COG4: variants seen among roughly 807,000 people sequenced by gnomAD.
COG4 encodes the protein component of oligomeric golgi complex 4.
COG4 carries 65 observed loss-of-function variants against 95.1 expected under a neutral mutation model. The ratio of observed to expected loss-of-function variants is 0.68; its 90% CI spans 0.56 to 0.84. The LOEUF (loss-of-function observed/expected upper bound fraction) is 0.84, where lower values mean the gene tolerates loss of function less well. COG4 is among the 40% of genes least tolerant of loss of function. The probability of loss-of-function intolerance (pLI) is 0.00; values close to 1 mark genes in which losing one functional copy is unlikely to be tolerated. For synonymous variants in COG4, 421 were observed against 374.8 expected, an observed-to-expected ratio of 1.12 and a Z score of -1.42; for missense variants, 1,045 against 989.1, an observed-to-expected ratio of 1.06 and a Z score of -0.76.
chr16:70,513,878 A>G (rs1400998380), intron 4 of COG4, among the ~76,000 whole-genome samples: 1 of 152,198 alleles, frequency 6.6e-6, no homozygotes, highest in Non-Finnish European at 1.5e-5. Flanking sequence ...CTGCCCCAGG[A>G]TGGTACAGGA....
rs1413534835 is a variant in COG4, at chr16:70,482,030, A to AG, written c.2004+61dup. 6 of 1,443,154 alleles carry AG rather than the reference A, an allele frequency of 4.2e-6. No individual in the cohort carries two copies. In the Admixed American group the frequency reaches 1.0e-4, roughly 24 times the overall value. 89.4% of individuals were successfully genotyped at this position (1,443,154 alleles called of 1,614,324 possible). On this transcript the variant is annotated intron_variant, in intron 16 of 18. Transcript: ENST00000323786. ...CAGAAGGAATGTGATGAGACCCTGC[A>AG]GGCTGCTGGTTTGGGCTGACGTGGG...
In COG4 at chr16:70,483,998, C is replaced by G. The variant is rs183113283; in HGVS notation, c.1711-29G>C. The G allele has an allele frequency of 4.9e-5, 74 of 1,521,664 alleles. No individual in the cohort carries two copies. The African/African-American group carries it at 8.9e-4, about 18-fold the overall frequency. The allele number at this position is 1,521,664 out of a possible 1,614,324, so 94.3% of individuals were successfully genotyped here. On this transcript the variant is annotated intron_variant, in intron 13 of 18. Transcript: ENST00000323786. ...GGGGAGAACACTGCTGTAAGACCAC[C>G]GAGCACGCGTGGGCCATGGGAGTGT...
At chr16:70,521,084 T>C (rs1299829270) in intron 1 of COG4, among the ~76,000 whole-genome samples, 1 of 152,162 alleles carries the variant, frequency 6.6e-6, no homozygotes, top group African/African-American at 2.4e-5. Context: ...GAGGTCTCAC[T>C]ATATTGCCCA....
At chr16:70,512,164 AC>A in intron 5 of COG4, 74 bp downstream of exon 5, 1 of 1,362,460 alleles carries the variant, frequency 7.3e-7, no homozygotes, top group Non-Finnish European at 1.0e-6. Context: ...ATCCACAGAA[AC>A]TGGATCCATC....
intron 12 of COG4, among the ~76,000 whole-genome samples, chr16:70,491,808 G>C (rs909763746): frequency 7.4e-5 from 3 of 40,674 alleles, no homozygotes; most frequent in Non-Finnish European, 1.6e-4. Flanking sequence ...TCGGTGACAA[G>C]AACAAAACTA....
chr16:70,500,912 C>T, intron 9 of COG4, 46 bp downstream of exon 9: 2 of 1,610,912 alleles, frequency 1.2e-6, no homozygotes, highest in Non-Finnish European at 1.7e-6. Flanking sequence ...AGAAACACTG[C>T]CAATTATACC....
intron 3 of COG4, among the ~76,000 whole-genome samples, chr16:70,516,358 G>A (rs779514389): frequency 4.6e-5 from 7 of 151,424 alleles, no homozygotes; most frequent in Admixed American, 6.6e-5. Context: ...GTGCAGAGGC[G>A]CCATCTCGGC....
Position 70,497,230 on chromosome 16 carries a change from G to A in COG4, c.1472C>T (p.Ser491Phe). 1.2e-6 allele frequency: 2 copies of A among 1,614,152 alleles called. No homozygotes were observed. The highest frequency in any genetic ancestry group is 8.5e-7 in the Non-Finnish European group (1 of 1,180,010). The change falls in exon 11 of 19, where the codon TCT (serine) becomes TTT (phenylalanine). Residue 491 changes from serine to phenylalanine, a missense_variant. Coordinates refer to ENST00000323786, the MANE Select transcript of COG4 (RefSeq NM_015386.3). Reference sequence around the variant, plus strand: ...AGGGAGTCAACTGTACCTGAAGTCAGACTCCAGCTCTGTGGTGGCGAGGTT... The same window carrying A: ...AGGGAGTCAACTGTACCTGAAGTCAAACTCCAGCTCTGTGGTGGCGAGGTT... ...MINLATTELE[S>F]DFRDVLCNKL...
intron 8 of COG4, among the ~76,000 whole-genome samples, chr16:70,507,103 C>A (rs184166183): frequency 6.6e-6 from 1 of 151,080 alleles, no homozygotes; most frequent in Non-Finnish European, 1.5e-5. Flanking sequence ...ATGTGTACAC[C>A]AGCTACTGAT....
In COG4 at chr16:70,497,945, C is replaced by T. The variant is rs1423664789; in HGVS notation, c.1306G>A (p.Val436Ile). Residue 436 changes from valine (V) to isoleucine (I), a missense_variant, in exon 10 of 19, where the codon GTC becomes ATC. Physicochemically the swap from Val to Ile is conservative, Grantham distance 29 (BLOSUM62 3). Transcript: ENST00000323786. ...TMEEYFMRET[V>I]NKAVALDTYE... ...TGCGTCCTATGTCCTACCTTATTGA[C>T]AGTCTCCCTCATGAAGTACTCCTCC... 4.4e-6 allele frequency: 7 copies of T among 1,576,440 alleles called. No individual in the cohort carries two copies. The highest frequency in any genetic ancestry group is 6.1e-6 in the Non-Finnish European group (7 of 1,145,750).
rs2049384430 is a variant in COG4, at chr16:70,498,446, A to G, written c.1196-391T>C. Among the ~76,000 whole-genome samples the G allele has an allele frequency of 2.0e-5, 3 of 151,934 alleles. No homozygotes were observed. The East Asian group carries it at 5.8e-4, about 29-fold the overall frequency. ...CAGGTTCAAACAATTCTCCTGCCTC[A>G]GCCTCCCGAGTAGCTGGGATTACAG... On this transcript the variant is annotated intron_variant, in intron 9 of 18. Transcript: ENST00000323786.
chr16:70,483,241 G>T (rs974652812), intron 14 of COG4, among the ~76,000 whole-genome samples: 1 of 16,928 alleles, frequency 5.9e-5, no homozygotes, highest in South Asian at 3.6e-3. Flanking sequence ...TCTCCCCACC[G>T]CATCCCCTTC....
intron 1 of COG4, 197 bp downstream of exon 1, chr16:70,523,176 G>C (rs985749093): frequency 3.2e-6 from 2 of 628,894 alleles, no homozygotes. Context: ...AGGTATCAGG[G>C]AAGACAAGCT....
Position 70,480,714 on chromosome 16 carries a change from GA to G in COG4, c.*295del. The G allele has an allele frequency of 2.2e-6, 1 of 456,826 alleles. No homozygotes were observed. The highest frequency in any genetic ancestry group is 4.0e-6 in the Non-Finnish European group (1 of 247,998). The allele number at this position is 456,826 out of a possible 1,614,324, so 28.3% of individuals were successfully genotyped here. On this transcript the variant is annotated 3_prime_UTR_variant, in exon 19 of 19. Transcript: ENST00000323786. ...TTTGCTGTAGTGTTTGAGGGCAAGA[GA>G]CTGACCATCCATGCAGAAAGCTGGC...
At chr16:70,481,571 GGCCC>G in intron 17 of COG4, 84 bp from the exon 18 acceptor site, 15 of 1,585,598 alleles carry the variant, frequency 9.5e-6, no homozygotes, top group Non-Finnish European at 1.3e-5. Flanking sequence ...TGGGTGGCAA[GGCCC>G]GCCAGGCCTC....
At chr16:70,504,747 T>C (rs1040250088) in intron 8 of COG4, among the ~76,000 whole-genome samples, 1 of 151,480 alleles carries the variant, frequency 6.6e-6, no homozygotes, top group Non-Finnish European at 1.5e-5. Context: ...CCATCTCTAC[T>C]AAAAATACAA....
intron 1 of COG4, among the ~76,000 whole-genome samples, chr16:70,522,183 G>A (rs201201983): frequency 6.6e-6 from 1 of 151,854 alleles, no homozygotes; most frequent in East Asian, 1.9e-4. Flanking sequence ...TTTTAGTAGT[G>A]ATGGTTTTCA....
At chr16:70,492,325 C>A (rs1012524738) in intron 12 of COG4, among the ~76,000 whole-genome samples, 3 of 152,078 alleles carry the variant, frequency 2.0e-5, no homozygotes, top group African/African-American at 7.2e-5. Flanking sequence ...TTTCATAACA[C>A]GACTGTCTTA....
intron 9 of COG4, 85 bp downstream of exon 9, chr16:70,500,872 CT>C: frequency 6.5e-7 from 1 of 1,538,600 alleles, no homozygotes; most frequent in Non-Finnish European, 9.0e-7. Flanking sequence ...CAATTGTTTC[CT>C]TAATAAGAGA....
Sources: allele counts gnomAD v4.1 joint callset (sites outside exome capture counted in the v4.1 genomes callset), GRCh38; gene constraint gnomAD v4.1.1; transcripts MANE v1.5; gene names NCBI Gene and HGNC (gene_info 2026-07-23, HGNC 2026-07-21).